The following ZBBX variants were observed in gnomAD, a reference collection of about 807,000 sequenced individuals.
The protein encoded by ZBBX is zinc finger B-box domain containing.
A neutral mutation model predicts 108.5 loss-of-function variants in ZBBX; 101 were observed. The observed-to-expected ratio is 0.93, with a 90% CI of 0.79 to 1.10. The LOEUF (loss-of-function observed/expected upper bound fraction) is 1.10, where lower values mean the gene tolerates loss of function less well. Among genes scored for constraint, ZBBX ranks in the 50% least tolerant of loss-of-function variants. The pLI is 0.00. For missense variants in ZBBX, 1,009 were observed against 941.4 expected, an observed-to-expected ratio of 1.07 and a Z score of -0.94; for synonymous variants, 356 against 323.4, an observed-to-expected ratio of 1.10 and a Z score of -1.08.
chr3:167,316,535 ATGT>A (rs1735492279), intron 14 of ZBBX, among the ~76,000 whole-genome samples: 1 of 151,976 alleles, frequency 6.6e-6, no homozygotes, highest in Non-Finnish European at 1.5e-5. Context: ...TGTTCAAGTT[ATGT>A]TCAAGTTATT....
intron 21 of ZBBX, 69 bp from the exon 22 acceptor site, chr3:167,240,988 A>C: frequency 1.3e-6 from 2 of 1,564,642 alleles, no homozygotes; most frequent in Non-Finnish European, 1.7e-6. Flanking sequence ...TTATCTTCTG[A>C]TCAATACTAC....
At chr3:167,203,566 T>C in the ZBBX span, among the ~76,000 whole-genome samples, 1 of 152,144 alleles carries the variant, frequency 6.6e-6, no homozygotes, top group East Asian at 1.9e-4. Flanking sequence ...TTTTTCTCCT[T>C]ATATTCTTCT....
intron 2 of ZBBX, among the ~76,000 whole-genome samples, chr3:167,376,573 T>C (rs1487860529): frequency 6.6e-6 from 1 of 152,244 alleles, no homozygotes; most frequent in Non-Finnish European, 1.5e-5. Flanking sequence ...TATGTACATA[T>C]ATAAAGCTAA....
Position 167,282,477 on chromosome 3 carries a change from G to C in ZBBX, c.2015C>G (p.Pro672Arg). The change falls in exon 20 of 22, where the codon CCT becomes CGT. Residue 672 changes from proline (P) to arginine (R), a missense_variant. Coordinates refer to ENST00000675490, the MANE Select transcript of ZBBX (RefSeq NM_001199201.2). ...GGAAAGTGGAAAATTTGCTGTTGAA[G>C]GTCTCTGTGATTTCTGACCTAAAAT... ...QQKMGQKSQRPSTANFPLSNS... is the reference protein window; with the variant it reads ...QQKMGQKSQRRSTANFPLSNS... 6 of 1,608,258 alleles carry C rather than the reference G, an allele frequency of 3.7e-6. No homozygotes were observed. The highest frequency in any genetic ancestry group is 5.1e-6 in the Non-Finnish European group (6 of 1,178,072).
intron 16 of ZBBX, among the ~76,000 whole-genome samples, chr3:167,307,104 A>G (rs930689542): frequency 2.0e-5 from 3 of 152,226 alleles, no homozygotes; most frequent in African/African-American, 7.2e-5. Context: ...ATCTCTCAAT[A>G]AACTAGGTAT....
chr3:167,273,172 A>C (rs1166779543), intron 20 of ZBBX, among the ~76,000 whole-genome samples: 1 of 152,182 alleles, frequency 6.6e-6, no homozygotes, highest in Non-Finnish European at 1.5e-5. Flanking sequence ...GATAATACTA[A>C]AGTAGATATT....
chr3:167,212,811 T>G, the ZBBX span, among the ~76,000 whole-genome samples: 1 of 152,140 alleles, frequency 6.6e-6, no homozygotes, highest in Admixed American at 6.5e-5. Flanking sequence ...ACAGGGACCA[T>G]GGCTACAATT....
chr3:167,328,842 C>A (rs569477039), intron 10 of ZBBX, among the ~76,000 whole-genome samples: 17 of 152,270 alleles, frequency 1.1e-4, no homozygotes, highest in African/African-American at 3.8e-4. Context: ...ACTACCAATT[C>A]TAAAACTAAT....
Position 167,326,901 on chromosome 3 carries a change from G to GA in ZBBX, c.862+1040dup, listed in dbSNP as rs151100705. Among the ~76,000 whole-genome samples the GA allele has an allele frequency of 8.0e-5, 12 of 150,724 alleles. No homozygotes were observed. In the South Asian group the frequency reaches 2.1e-3, roughly 26 times the overall value. ...AATAGTCAGAAGAGTTTCTCCAATG[G>GA]AAAAAAAATGAAATAAAAATAGTAA... is the stretch of plus-strand genomic sequence containing the variant. On this transcript the variant is annotated intron_variant, in intron 11 of 21. Transcript: ENST00000675490.
chr3:167,314,148 A>G (rs762848027), intron 15 of ZBBX, 32 bp from the exon 16 acceptor site: 2 of 1,523,284 alleles, frequency 1.3e-6, no homozygotes, highest in Non-Finnish European at 1.8e-6. Context: ...AAAATAATAG[A>G]GTTGAAAAAA....
chr3:167,380,903 C>CACACAG (rs2108630673), upstream of ZBBX, among the ~76,000 whole-genome samples: 1 of 149,386 alleles, frequency 6.7e-6, no homozygotes, highest in East Asian at 2.0e-4. Flanking sequence ...CACACACACA[C>CACACAG]ACAGTTAACC....
rs974949398 is a variant in ZBBX, at chr3:167,328,076, G to C, written c.728C>G (p.Pro243Arg). 6.2e-7 allele frequency: 1 copy of C among 1,613,598 alleles called. No homozygotes were observed. Among genetic ancestry groups the C allele is most frequent in the South Asian group, 1.1e-5 (1 of 91,012 alleles). Residue 243 changes from proline to arginine, a missense_variant, in exon 11 of 22, where the codon CCA becomes CGA. Pro to Arg is a moderately radical substitution (Grantham distance 103, BLOSUM62 -2). Transcript: ENST00000675490. ...TTMKRAQRTK[P>R]RKSLLCEGSF... ...CCCTTCACACAACAGACTCTTTCTTGGTTTTGTACGTTGTGCTCTTTTCAT... is the reference window on the plus strand; with the variant it reads ...CCCTTCACACAACAGACTCTTTCTTCGTTTTGTACGTTGTGCTCTTTTCAT...
intron 9 of ZBBX, among the ~76,000 whole-genome samples, chr3:167,345,759 C>G (rs1192509705): frequency 3.3e-5 from 5 of 151,774 alleles, no homozygotes. Flanking sequence ...ATAACCAAGA[C>G]AATCCTAAGC....
chr3:167,267,187 G>A (rs773024735), intron 20 of ZBBX, among the ~76,000 whole-genome samples: 3 of 152,174 alleles, frequency 2.0e-5, no homozygotes, highest in Non-Finnish European at 4.4e-5. Context: ...GCCCTTTGGG[G>A]GTCCCGTCAG....
chr3:167,272,467 C>T (rs368778948), intron 20 of ZBBX, among the ~76,000 whole-genome samples: 7 of 152,176 alleles, frequency 4.6e-5, no homozygotes, highest in East Asian at 3.9e-4. Flanking sequence ...GACCACTGAA[C>T]TGCAGTCCGG....
At chr3:167,284,112 C>T (rs1729289100) in intron 19 of ZBBX, among the ~76,000 whole-genome samples, 1 of 151,426 alleles carries the variant, frequency 6.6e-6, no homozygotes, top group Non-Finnish European at 1.5e-5. Flanking sequence ...TAAAATAAGA[C>T]TGATCTTTTG....
chr3:167,378,880 A>T (rs1747375150), intron 2 of ZBBX, among the ~76,000 whole-genome samples: 1 of 152,110 alleles, frequency 6.6e-6, no homozygotes, highest in Non-Finnish European at 1.5e-5. Context: ...GTATAGAAAG[A>T]CCATGTTTAT....
At position 167,365,750 on chromosome 3, in the gene ZBBX, A is replaced by C. The variant is rs578063170; in HGVS notation, c.273+136T>G. 17 of 482,980 alleles carry C rather than the reference A, an allele frequency of 3.5e-5. No homozygotes were observed. The South Asian group carries it at 1.2e-3, about 33-fold the overall frequency. 29.9% of individuals were successfully genotyped at this position (482,980 alleles called of 1,614,324 possible). A position where few individuals can be genotyped will look rare whatever the true frequency, so the allele number is the denominator to read the frequency against. ...AAGTTGCATATTACCCTGCAAAATAAATCAACAAGTGAATAATATGCAAAG... is the reference window on the plus strand; with the variant it reads ...AAGTTGCATATTACCCTGCAAAATACATCAACAAGTGAATAATATGCAAAG... On this transcript the variant is annotated intron_variant, in intron 6 of 21. Transcript: ENST00000675490.
chr3:167,337,681 G>C (rs1198252550), intron 9 of ZBBX, among the ~76,000 whole-genome samples: 1 of 152,008 alleles, frequency 6.6e-6, no homozygotes, highest in Non-Finnish European at 1.5e-5. Flanking sequence ...TCTTAAATGG[G>C]CATATCGTAT....
Sources: gnomAD v4.1 joint callset for allele counts (sites outside exome capture counted in the v4.1 genomes callset) on GRCh38, gnomAD v4.1.1 for gene constraint, MANE v1.5 for transcripts, NCBI Gene and HGNC (gene_info 2026-07-23, HGNC 2026-07-21) for gene names.